The following SLF2 variants were observed in gnomAD, a reference collection of about 807,000 sequenced individuals.
The protein encoded by SLF2 is SMC5/6 complex localization factor 2.
In SLF2, 68 loss-of-function variants were observed where a neutral mutation model predicts 124.3. That is an observed-to-expected ratio of 0.55 (90% confidence interval 0.45 to 0.67). SLF2 has a LOEUF of 0.67. Ranked by LOEUF, SLF2 falls within the 30% of genes least tolerant of loss-of-function variation. SLF2 has a pLI of 0.00. For missense variants in SLF2, 1,246 were observed against 1,373.7 expected, an observed-to-expected ratio of 0.91 and a Z score of 1.47; for synonymous variants, 480 against 478.8, an observed-to-expected ratio of 1.00 and a Z score of -0.03.
chr10:100,950,796 G>T (rs777341659), intron 17 of SLF2, 43 bp downstream of exon 17: 13 of 1,457,760 alleles, frequency 8.9e-6, no homozygotes, highest in Non-Finnish European at 1.2e-5. Flanking sequence ...TTAAATAGGT[G>T]TTACTGATGA....
chr10:100,941,884 A>C (rs1461272755), intron 11 of SLF2, among the ~76,000 whole-genome samples: 1 of 152,206 alleles, frequency 6.6e-6, no homozygotes, highest in African/African-American at 2.4e-5. Context: ...GAAGGGGCGC[A>C]AAGAAGTACT....
At chr10:100,942,703 G>C (rs1303869558) in intron 11 of SLF2, among the ~76,000 whole-genome samples, 1 of 152,178 alleles carries the variant, frequency 6.6e-6, no homozygotes, top group Non-Finnish European at 1.5e-5. Context: ...ATTTCTAGCA[G>C]AGATGGGGTT....
At chr10:100,916,083 G>T in intron 2 of SLF2, 41 bp downstream of exon 2, 1 of 1,542,314 alleles carries the variant, frequency 6.5e-7, no homozygotes, top group Non-Finnish European at 8.9e-7. Context: ...GCTATTTTGG[G>T]GGTGAGGAGA....
chr10:100,952,058 G>A (rs10748802), intron 17 of SLF2, among the ~76,000 whole-genome samples: 150,814 of 152,188 alleles, frequency 0.99, 74,733 homozygotes, highest in East Asian at 1. Flanking sequence ...AGCCTGGCCA[G>A]CATGGTGAAA....
chr10:100,930,343 A>G (rs1388833069), intron 8 of SLF2, among the ~76,000 whole-genome samples: 1 of 152,182 alleles, frequency 6.6e-6, no homozygotes, highest in Non-Finnish European at 1.5e-5. Flanking sequence ...TTTCTTCTCC[A>G]CCATTCTTAG....
At chr10:100,925,817 C>A in intron 5 of SLF2, 132 bp from the exon 6 acceptor site, 1 of 867,900 alleles carries the variant, frequency 1.2e-6, no homozygotes, top group Non-Finnish European at 1.7e-6. Context: ...GAAAATTATC[C>A]TTTAAGAAAG....
chr10:100,916,658 GA>G lies in SLF2; in HGVS notation c.276del (p.Lys92AsnfsTer21). 1 of 1,525,410 alleles carries G rather than the reference GA, an allele frequency of 6.6e-7. No individual in the cohort carries two copies. The highest frequency in any genetic ancestry group is 1.4e-5 in the South Asian group (1 of 73,620). The allele number at this position is 1,525,410 out of a possible 1,614,324, so 94.5% of individuals were successfully genotyped here. A position where few individuals can be genotyped will look rare whatever the true frequency, so the allele number is the denominator to read the frequency against. Reference sequence around the variant, plus strand: ...TCACTGGGACAGAGCAGTTTGAAAGGAAACTATCCTCACCAAAAGAATCTAA... The same window carrying G: ...TCACTGGGACAGAGCAGTTTGAAAGGAACTATCCTCACCAAAAGAATCTAA... ...SITGTEQFER[K>X]LSSPKESKPK... On this transcript the variant is annotated frameshift_variant, in exon 3 of 20. Transcript: ENST00000238961. LOFTEE classifies it high-confidence loss of function.
At position 100,931,053 on chromosome 10, in the gene SLF2, T is replaced by C; in HGVS notation, c.2411T>C (p.Val804Ala). 6.2e-7 allele frequency: 1 copy of C among 1,613,838 alleles called. No homozygotes were observed. Reference sequence around the variant, plus strand: ...GCTTATCACTATGTCCAGTGTCCTGTCCCTGTGTTAAAGTGGCTGTTTCGG... The same window carrying C: ...GCTTATCACTATGTCCAGTGTCCTGCCCCTGTGTTAAAGTGGCTGTTTCGG... ...TSAYHYVQCP[V>A]PVLKWLFRMM... Residue 804 changes from valine to alanine, a missense_variant, in exon 9 of 20, where the codon GTC becomes GCC. Physicochemically the swap from Val to Ala is moderately conservative, Grantham distance 64 (BLOSUM62 0). Transcript: ENST00000238961.
At chr10:100,955,589 G>A (rs1589968312) in intron 17 of SLF2, among the ~76,000 whole-genome samples, 1 of 152,060 alleles carries the variant, frequency 6.6e-6, no homozygotes, top group East Asian at 1.9e-4. Flanking sequence ...GTGAGACCCT[G>A]TCTCCACAAA....
chr10:100,956,606 A>G, intron 18 of SLF2, 69 bp downstream of exon 18: 1 of 1,159,252 alleles, frequency 8.6e-7, no homozygotes, highest in Non-Finnish European at 1.3e-6. Context: ...TTAAGGATAG[A>G]AGCATACAGG....
intron 9 of SLF2, among the ~76,000 whole-genome samples, chr10:100,932,286 T>A (rs1386160121): frequency 6.6e-6 from 1 of 152,086 alleles, no homozygotes; most frequent in African/African-American, 2.4e-5. Flanking sequence ...CTCAGGTTAC[T>A]GAGTGTTCCA....
intron 17 of SLF2, among the ~76,000 whole-genome samples, chr10:100,952,847 G>C (rs1850245528): frequency 6.6e-6 from 1 of 151,428 alleles, no homozygotes; most frequent in Non-Finnish European, 1.5e-5. Flanking sequence ...CCTGAGGCAG[G>C]AGAATTGCTT....
intron 15 of SLF2, among the ~76,000 whole-genome samples, chr10:100,948,894 G>A (rs1277202127): frequency 1.3e-5 from 2 of 152,018 alleles, no homozygotes; most frequent in East Asian, 3.9e-4. Context: ...TCAAAAAAAA[G>A]CCCCATAGAA....
intron 4 of SLF2, among the ~76,000 whole-genome samples, chr10:100,919,519 AT>A: frequency 6.6e-6 from 1 of 151,556 alleles, no homozygotes; most frequent in South Asian, 2.1e-4. Context: ...ATTGAAAAAA[AT>A]ATAAAATAAC....
chr10:100,934,587 TTTTTA>T (rs1215024640), intron 9 of SLF2, among the ~76,000 whole-genome samples: 6 of 151,906 alleles, frequency 3.9e-5, no homozygotes, highest in East Asian at 1.9e-4. Flanking sequence ...CCTCCTTACA[TTTTTA>T]TTTTATTTTA....
chr10:100,937,329 A>G (rs2133796827), intron 9 of SLF2, 73 bp from the exon 10 acceptor site: 1 of 1,214,686 alleles, frequency 8.2e-7, no homozygotes, highest in Non-Finnish European at 1.2e-6. Flanking sequence ...ACAACTTTAT[A>G]TGTGCCTAGC....
chr10:100,924,583 A>G lies in SLF2; in HGVS notation c.1582A>G (p.Thr528Ala), dbSNP rs758939387. ...STKHKEHKAK[T>A]NKADSNVSSG... is the part of the protein sequence containing the mutation. Reference sequence around the variant, plus strand: ...CAAACACAAGGAACACAAAGCAAAGACTAATAAGGCCGATTCTAATGTATC... The same window carrying G: ...CAAACACAAGGAACACAAAGCAAAGGCTAATAAGGCCGATTCTAATGTATC... Residue 528 changes from threonine to alanine, a missense_variant, in exon 5 of 20, where the codon ACT (threonine) becomes GCT (alanine). Transcript: ENST00000238961. The G allele has an allele frequency of 3.7e-6, 6 of 1,614,136 alleles. No individual in the cohort carries two copies. The highest frequency in any genetic ancestry group is 1.7e-5 in the Admixed American group (1 of 60,024).
intron 9 of SLF2, among the ~76,000 whole-genome samples, chr10:100,933,795 C>T (rs1346407771): frequency 1.3e-5 from 2 of 152,154 alleles, no homozygotes; most frequent in Non-Finnish European, 2.9e-5. Flanking sequence ...TTCTCCTGCT[C>T]AGCCTCTCAA....
At position 100,963,076 on chromosome 10, in the gene SLF2, A is replaced by C. The variant is rs1429552670; in HGVS notation, c.*1164A>C. On this transcript the variant is annotated 3_prime_UTR_variant, in exon 20 of 20. Transcript: ENST00000238961. ...CCCTTTTAGGAGGGTTTGTTTCCTG[A>C]AAGAATGCCAACTTTTTTTGTTGTT... 2.0e-5 allele frequency: 3 copies of C among 152,570 alleles called. No homozygotes were observed. Among genetic ancestry groups the C allele is most frequent in the African/African-American group, 7.2e-5 (3 of 41,418 alleles). 9.5% of individuals were successfully genotyped at this position (152,570 alleles called of 1,614,324 possible).
Sources: allele counts gnomAD v4.1 joint callset (sites outside exome capture counted in the v4.1 genomes callset), GRCh38; gene constraint gnomAD v4.1.1; transcripts MANE v1.5; gene names NCBI Gene and HGNC (gene_info 2026-07-23, HGNC 2026-07-21).